Variants in HECW1 observed in about 807,000 individuals in gnomAD.
HECW1 encodes E3 ubiquitin-protein ligase HECW1.
In HECW1, 61 loss-of-function variants were observed where a neutral mutation model predicts 182.3. The ratio of observed to expected loss-of-function variants is 0.33; its 90% CI spans 0.27 to 0.41. HECW1 has a LOEUF of 0.41. Among genes scored for constraint, HECW1 ranks in the 10% least tolerant of loss-of-function variants. The probability of loss-of-function intolerance (pLI) is 1.00; values close to 1 mark genes in which losing one functional copy is unlikely to be tolerated. For missense variants in HECW1, 1,739 were observed against 2,108.9 expected (o/e 0.82, Z 3.44); for synonymous variants, 859 against 832.6 (o/e 1.03, Z -0.55).
At chr7:43,165,121 T>A (rs1339476621) in intron 2 of HECW1, among the ~76,000 whole-genome samples, 1 of 152,214 alleles carries the variant, frequency 6.6e-6, no homozygotes, top group Non-Finnish European at 1.5e-5. Flanking sequence ...CCCTAAATGA[T>A]GAAAATAATA....
chr7:43,284,502 C>CAAAAA (rs1165081149), intron 3 of HECW1, among the ~76,000 whole-genome samples: 6 of 53,752 alleles, frequency 1.1e-4, no homozygotes, highest in Admixed American at 2.2e-4. Flanking sequence ...CCCATTTCTA[C>CAAAAA]AAAAAAAAAA....
intron 2 of HECW1, among the ~76,000 whole-genome samples, chr7:43,144,323 T>C (rs1280701478): frequency 2.6e-5 from 4 of 152,136 alleles, no homozygotes; most frequent in Non-Finnish European, 5.9e-5. Flanking sequence ...GCTGAGGTAG[T>C]GTTTGTTGGG....
At chr7:43,204,767 T>G (rs533676661) in intron 2 of HECW1, among the ~76,000 whole-genome samples, 2 of 152,318 alleles carry the variant, frequency 1.3e-5, no homozygotes, top group Admixed American at 1.3e-4. Context: ...CATCTGAGTT[T>G]GTTAATTGAC....
At chr7:43,159,104 A>T (rs886289337) in intron 2 of HECW1, among the ~76,000 whole-genome samples, 1 of 143,774 alleles carries the variant, frequency 7.0e-6, no homozygotes, top group Non-Finnish European at 1.5e-5. Context: ...TGAATCTGAC[A>T]GTTTATTTAT....
intron 2 of HECW1, among the ~76,000 whole-genome samples, chr7:43,224,347 A>T (rs1797240178): frequency 6.6e-6 from 1 of 152,306 alleles, no homozygotes; most frequent in African/African-American, 2.4e-5. Context: ...CTGATGTACA[A>T]ACAAGCACAA....
At chr7:43,113,778 T>C (rs952715161) in intron 1 of HECW1, 1 of 228,314 alleles carries the variant, frequency 4.4e-6, no homozygotes, top group East Asian at 6.2e-5. Context: ...TCAAACAATG[T>C]GGCCCCTCCA....
intron 6 of HECW1, among the ~76,000 whole-genome samples, chr7:43,363,477 A>G (rs905954528): frequency 7.2e-5 from 11 of 152,172 alleles, no homozygotes; most frequent in African/African-American, 2.7e-4. Flanking sequence ...TGATTTTGTC[A>G]CACAAATCAG....
chr7:43,134,727 T>G (rs1403235970), intron 2 of HECW1, among the ~76,000 whole-genome samples: 3 of 152,168 alleles, frequency 2.0e-5, no homozygotes, highest in African/African-American at 7.2e-5. Context: ...GGGGGATTTT[T>G]TTTTCTTACT....
At chr7:43,234,646 G>A (rs1174438857) in intron 2 of HECW1, among the ~76,000 whole-genome samples, 1 of 152,074 alleles carries the variant, frequency 6.6e-6, no homozygotes, top group Non-Finnish European at 1.5e-5. Context: ...TCCTACCCAC[G>A]TCTTAACATT....
chr7:43,398,162 C>G (rs893459773), intron 7 of HECW1, among the ~76,000 whole-genome samples: 6 of 152,016 alleles, frequency 3.9e-5, no homozygotes, highest in Non-Finnish European at 5.9e-5. Context: ...GAGGCTGAGG[C>G]AGGAGAATGG....
At chr7:43,168,936 C>T (rs1236686155) in intron 2 of HECW1, among the ~76,000 whole-genome samples, 4 of 152,148 alleles carry the variant, frequency 2.6e-5, no homozygotes, top group Non-Finnish European at 5.9e-5. Flanking sequence ...GAAAGATATG[C>T]ACCAAACTGA....
chr7:43,137,429 A>G (rs558951591), intron 2 of HECW1, among the ~76,000 whole-genome samples: 256 of 152,208 alleles, frequency 1.7e-3, no homozygotes, highest in African/African-American at 5.8e-3. Context: ...TCTAAAATGG[A>G]TACTCATCAG....
At chr7:43,116,931 A>T (rs1331610179) in intron 2 of HECW1, among the ~76,000 whole-genome samples, 1 of 152,230 alleles carries the variant, frequency 6.6e-6, no homozygotes, top group East Asian at 1.9e-4. Flanking sequence ...AGTTGAAAGG[A>T]GAAAAAGATT....
At chr7:43,230,980 G>T (rs1244815371) in intron 2 of HECW1, among the ~76,000 whole-genome samples, 1 of 152,170 alleles carries the variant, frequency 6.6e-6, no homozygotes, top group Non-Finnish European at 1.5e-5. Context: ...AGTTTGACAT[G>T]CCTTTTTCAA....
chr7:43,165,491 A>G (rs946360729), intron 2 of HECW1, among the ~76,000 whole-genome samples: 1 of 152,158 alleles, frequency 6.6e-6, no homozygotes. Context: ...TAACAATTCA[A>G]TCAATTATCC....
intron 2 of HECW1, among the ~76,000 whole-genome samples, chr7:43,120,119 TGACCATA>T (rs551501444): frequency 2.2e-3 from 337 of 152,336 alleles, no homozygotes; most frequent in African/African-American, 7.7e-3. Flanking sequence ...GTTACTTCTT[TGACCATA>T]GCCCTGTTCA....
chr7:43,396,321 G>C (rs972331503), intron 6 of HECW1, among the ~76,000 whole-genome samples: 1 of 152,164 alleles, frequency 6.6e-6, no homozygotes, highest in Admixed American at 6.6e-5. Context: ...CCTCAGAAGA[G>C]CTCCTTAATG....
At chr7:43,171,300 T>TACAC (rs370407166) in intron 2 of HECW1, among the ~76,000 whole-genome samples, 1 of 151,784 alleles carries the variant, frequency 6.6e-6, no homozygotes, top group South Asian at 2.1e-4. Flanking sequence ...CACAGGCACA[T>TACAC]ACACACACAC....
At chr7:43,229,129 G>A (rs752502698) in intron 2 of HECW1, among the ~76,000 whole-genome samples, 2 of 152,148 alleles carry the variant, frequency 1.3e-5, no homozygotes, top group African/African-American at 2.4e-5. Flanking sequence ...ATTTGTATTC[G>A]CTTTCTGGTA....
Sources: gnomAD v4.1 joint callset for allele counts (sites outside exome capture counted in the v4.1 genomes callset) on GRCh38, gnomAD v4.1.1 for gene constraint, MANE v1.5 for transcripts, NCBI Gene and HGNC (gene_info 2026-07-23, HGNC 2026-07-21) for gene names.